Variants in EGF observed in about 807,000 individuals in gnomAD.
The protein encoded by EGF is pro-epidermal growth factor.
A neutral mutation model predicts 143.8 loss-of-function variants in EGF; 95 were observed. The observed-to-expected ratio is 0.66, with a 90% confidence interval of 0.56 to 0.78. The LOEUF (loss-of-function observed/expected upper bound fraction) is 0.78. Among genes scored for constraint, EGF ranks in the 30% least tolerant of loss-of-function variants. The pLI is 0.00. For synonymous variants in EGF, 510 were observed against 510.5 expected, an observed-to-expected ratio of 1.00 and a Z score of 0.01; for missense variants, 1,320 against 1,470.9, an observed-to-expected ratio of 0.90 and a Z score of 1.68.
At chr4:109,957,623 A>T (rs982672458) in intron 5 of EGF, among the ~76,000 whole-genome samples, 7 of 152,252 alleles carry the variant, frequency 4.6e-5, no homozygotes, top group Admixed American at 2.6e-4. Context: ...TTATTAGTAG[A>T]TAAACAGATC....
intron 1 of EGF, among the ~76,000 whole-genome samples, chr4:109,920,848 A>T (rs1283614270): frequency 6.6e-6 from 1 of 151,628 alleles, no homozygotes; most frequent in African/African-American, 2.4e-5. Flanking sequence ...TGAAGGAAGT[A>T]TTGCCTAGAT....
At chr4:109,969,169 T>G in intron 11 of EGF, 50 bp downstream of exon 11, 1 of 1,604,452 alleles carries the variant, frequency 6.2e-7, no homozygotes, top group Non-Finnish European at 8.5e-7. Context: ...AGTGATGGGA[T>G]AGGTAATACT....
At chr4:109,987,960 C>A in intron 17 of EGF, 100 bp downstream of exon 17, 1 of 945,530 alleles carries the variant, frequency 1.1e-6, no homozygotes, top group Non-Finnish European at 1.7e-6. Flanking sequence ...TTTATGTAAT[C>A]AGCAGATTTG....
At chr4:109,997,754 T>C (rs894516935) in intron 20 of EGF, among the ~76,000 whole-genome samples, 4 of 152,092 alleles carry the variant, frequency 2.6e-5, no homozygotes, top group Non-Finnish European at 5.9e-5. Flanking sequence ...TTCCAGCTAC[T>C]TGGGAGGCTG....
chr4:109,977,243 C>T (rs913622427), intron 13 of EGF: 11 of 152,140 alleles, frequency 7.2e-5, no homozygotes, highest in African/African-American at 2.7e-4. Context: ...AACATGGTTT[C>T]TCTCATTTAG....
intron 6 of EGF, among the ~76,000 whole-genome samples, chr4:109,960,230 T>A (rs1053893949): frequency 5.9e-5 from 9 of 152,190 alleles, no homozygotes; most frequent in African/African-American, 2.2e-4. Context: ...CAATAGGAAA[T>A]GTCCTAAGCT....
rs76685287 is a variant in EGF at position 109,970,168 on chromosome 4, G to A, written c.1724+1049G>A. On this transcript the variant is annotated intron_variant, in intron 11 of 23. Transcript: ENST00000265171. Reference sequence around the variant, plus strand: ...TGTACTTGGTGTGTATGCAGCCTGCGTGAACCTCAGAACTGAATGGCAGGA... The same window carrying A: ...TGTACTTGGTGTGTATGCAGCCTGCATGAACCTCAGAACTGAATGGCAGGA... Among the ~76,000 whole-genome samples the A allele has an allele frequency of 6.6e-3, 1,010 of 152,278 alleles. 10 individuals are homozygous for A. Among genetic ancestry groups the A allele is most frequent in the African/African-American group, 0.021 (866 of 41,554 alleles).
At chr4:110,002,261 G>A (rs1752663337) in intron 21 of EGF, among the ~76,000 whole-genome samples, 1 of 152,188 alleles carries the variant, frequency 6.6e-6, no homozygotes, top group Non-Finnish European at 1.5e-5. Context: ...GGGAGGCCAA[G>A]ACAGGCAGAT....
At chr4:109,919,339 C>CA (rs1737363121) in intron 1 of EGF, among the ~76,000 whole-genome samples, 3 of 119,054 alleles carry the variant, frequency 2.5e-5, no homozygotes, top group Non-Finnish European at 5.4e-5. Flanking sequence ...CTCTCTCTCT[C>CA]TCATCTCTCT....
At chr4:110,000,981 C>T (rs1052873036) in intron 21 of EGF, among the ~76,000 whole-genome samples, 1 of 152,224 alleles carries the variant, frequency 6.6e-6, no homozygotes, top group Non-Finnish European at 1.5e-5. Flanking sequence ...TACACAACCA[C>T]TCAAGTGGCA....
intron 1 of EGF, among the ~76,000 whole-genome samples, chr4:109,936,145 G>A (rs955672281): frequency 2.0e-5 from 3 of 152,104 alleles, no homozygotes; most frequent in African/African-American, 7.2e-5. Flanking sequence ...TTGTACCTCT[G>A]GTAGAATTCG....
chr4:109,987,384 G>A (rs1560740994), intron 16 of EGF, among the ~76,000 whole-genome samples: 3 of 151,674 alleles, frequency 2.0e-5, no homozygotes, highest in South Asian at 4.2e-4. Flanking sequence ...TCTCACGGCC[G>A]CATCAACCTC....
intron 1 of EGF, among the ~76,000 whole-genome samples, chr4:109,925,573 G>A (rs1738492969): frequency 2.0e-5 from 3 of 152,276 alleles, no homozygotes; most frequent in African/African-American, 7.2e-5. Flanking sequence ...ACTGTCAATA[G>A]TATTGGAGCC....
intron 5 of EGF, among the ~76,000 whole-genome samples, chr4:109,949,951 T>G (rs1743559910): frequency 6.6e-6 from 1 of 152,126 alleles, no homozygotes; most frequent in African/African-American, 2.4e-5. Context: ...CAAGTCAAAG[T>G]AATAGAGCCA....
intron 10 of EGF, among the ~76,000 whole-genome samples, chr4:109,964,864 T>A (rs1013515609): frequency 2.6e-5 from 4 of 152,164 alleles, no homozygotes; most frequent in African/African-American, 9.6e-5. Flanking sequence ...AGGAGCTTCA[T>A]AACCAGGTTT....
intron 18 of EGF, among the ~76,000 whole-genome samples, chr4:109,989,011 C>A (rs911198667): frequency 6.6e-6 from 1 of 152,154 alleles, no homozygotes; most frequent in Non-Finnish European, 1.5e-5. Context: ...ATACTTCCCA[C>A]CTTGAGCCAT....
chr4:109,995,764 T>C (rs1751712820), intron 20 of EGF, among the ~76,000 whole-genome samples: 1 of 152,208 alleles, frequency 6.6e-6, no homozygotes, highest in African/African-American at 2.4e-5. Context: ...TCCTCACAAA[T>C]AGCTACTATA....
intron 21 of EGF, chr4:110,001,927 T>C (rs1487864617): frequency 4.1e-6 from 4 of 985,306 alleles, no homozygotes; most frequent in Non-Finnish European, 4.8e-6. Context: ...GTGTACCTGC[T>C]TACCTCTCCG....
chr4:109,957,315 A>C (rs1744949935), intron 5 of EGF, among the ~76,000 whole-genome samples: 1 of 152,188 alleles, frequency 6.6e-6, no homozygotes, highest in Admixed American at 6.5e-5. Context: ...CCAAATCCCC[A>C]AACAGGTCAG....
Sources: allele counts gnomAD v4.1 joint callset (sites outside exome capture counted in the v4.1 genomes callset), GRCh38; gene constraint gnomAD v4.1.1; transcripts MANE v1.5; gene names NCBI Gene and HGNC (gene_info 2026-07-23, HGNC 2026-07-21).